Variants in GDPD4 observed in about 807,000 individuals in gnomAD.
GDPD4 encodes glycerophosphodiester phosphodiesterase domain containing 4.
Under a neutral mutation model 67.8 loss-of-function variants are expected in GDPD4, and 60 were observed. That is an observed-to-expected ratio of 0.88 (90% CI 0.72 to 1.10). GDPD4 has a LOEUF of 1.10. GDPD4 is among the 50% of genes least tolerant of loss of function. The pLI is 0.00. For synonymous variants in GDPD4, 212 were observed against 210.9 expected, an observed-to-expected ratio of 1.00 and a Z score of -0.04; for missense variants, 623 against 613.9, an observed-to-expected ratio of 1.01 and a Z score of -0.16.
At chr11:77,245,617 C>G in intron 11 of GDPD4, 115 bp from the exon 12 acceptor site, 1 of 651,224 alleles carries the variant, frequency 1.5e-6, no homozygotes, top group Non-Finnish European at 2.7e-6. Flanking sequence ...ATCAGGCCCT[C>G]TGAAGTACTA....
At chr11:77,269,249 A>C (rs1407935121) in intron 8 of GDPD4, among the ~76,000 whole-genome samples, 180 bp from the exon 9 acceptor site, 1 of 152,184 alleles carries the variant, frequency 6.6e-6, no homozygotes, top group African/African-American at 2.4e-5. Flanking sequence ...ATTTGGATAT[A>C]AAAGTATAGA....
intron 1 of GDPD4, among the ~76,000 whole-genome samples, chr11:77,293,174 T>C (rs1181388085): frequency 1.3e-5 from 2 of 152,104 alleles, no homozygotes; most frequent in Non-Finnish European, 2.9e-5. Flanking sequence ...GACAAAGATA[T>C]CCTGAAAAAA....
chr11:77,222,472 C>T (rs551754964), intron 16 of GDPD4, among the ~76,000 whole-genome samples: 8 of 152,302 alleles, frequency 5.3e-5, no homozygotes, highest in Non-Finnish European at 1.0e-4. Context: ...ATTTATTTCT[C>T]TTTCACTTAT....
intron 4 of GDPD4, among the ~76,000 whole-genome samples, chr11:77,278,046 T>C (rs1959574567): frequency 6.6e-6 from 1 of 152,122 alleles, no homozygotes; most frequent in Non-Finnish European, 1.5e-5. Context: ...TTGAGCGGTT[T>C]TGAGTGAGTT....
intron 3 of GDPD4, among the ~76,000 whole-genome samples, chr11:77,283,697 C>A (rs181226399): frequency 1.3e-3 from 201 of 151,998 alleles, no homozygotes; most frequent in African/African-American, 4.7e-3. Context: ...GTTAAATAAA[C>A]TTGTTCTGAA....
chr11:77,228,575 G>A (rs1411537998), intron 15 of GDPD4, among the ~76,000 whole-genome samples: 2 of 151,280 alleles, frequency 1.3e-5, no homozygotes, highest in African/African-American at 2.4e-5. Context: ...CTACTCGGGA[G>A]GCTGAGGCAG....
At chr11:77,274,054 G>C (rs975405368) in intron 5 of GDPD4, among the ~76,000 whole-genome samples, 1 of 152,204 alleles carries the variant, frequency 6.6e-6, no homozygotes, top group African/African-American at 2.4e-5. Flanking sequence ...CATAAGCATA[G>C]TTTTTATAAT....
chr11:77,218,551 C>T (rs1355175519), intron 16 of GDPD4, among the ~76,000 whole-genome samples: 2 of 152,108 alleles, frequency 1.3e-5, no homozygotes, highest in African/African-American at 2.4e-5. Context: ...ACCCCCACCC[C>T]ACGACAGGCT....
At chr11:77,227,713 A>G in intron 16 of GDPD4, 151 bp downstream of exon 16, 1 of 641,986 alleles carries the variant, frequency 1.6e-6, no homozygotes. Flanking sequence ...ATCTATGCCC[A>G]GCCTATACTT....
At chr11:77,229,311 G>A (rs1056116674) in intron 14 of GDPD4, 79 bp from the exon 15 acceptor site, 42 of 785,672 alleles carry the variant, frequency 5.3e-5, no homozygotes, top group Non-Finnish European at 8.2e-5. Flanking sequence ...CCCTTGCTCT[G>A]CTGCCAGGGC....
chr11:77,288,766 A>T (rs1218694519), intron 1 of GDPD4, among the ~76,000 whole-genome samples: 1 of 152,232 alleles, frequency 6.6e-6, no homozygotes, highest in Non-Finnish European at 1.5e-5. Context: ...AGGAAACATG[A>T]CAACTTCGAA....
intron 11 of GDPD4, among the ~76,000 whole-genome samples, chr11:77,256,860 G>A (rs1447775209): frequency 6.6e-6 from 1 of 152,176 alleles, no homozygotes; most frequent in Admixed American, 6.5e-5. Context: ...TATCATGCTT[G>A]TAGAGCATGT....
At chr11:77,230,788 C>T (rs776230708) in intron 14 of GDPD4, among the ~76,000 whole-genome samples, 24 of 152,194 alleles carry the variant, frequency 1.6e-4, no homozygotes, top group Admixed American at 7.2e-4. Context: ...AGCTGTGCCT[C>T]CCTATCAAGA....
At chr11:77,223,337 G>C (rs1022235815) in intron 16 of GDPD4, among the ~76,000 whole-genome samples, 2 of 152,090 alleles carry the variant, frequency 1.3e-5, no homozygotes, top group Non-Finnish European at 2.9e-5. Flanking sequence ...ATCTACCCTT[G>C]GTCTTTGATG....
intron 16 of GDPD4, among the ~76,000 whole-genome samples, chr11:77,218,001 T>C (rs1958155972): frequency 1.3e-5 from 2 of 151,620 alleles, no homozygotes; most frequent in African/African-American, 4.9e-5. Flanking sequence ...TTAATTAATT[T>C]TTAAAAGTTT....
At chr11:77,281,377 A>C (rs969143726) in intron 3 of GDPD4, among the ~76,000 whole-genome samples, 1 of 152,108 alleles carries the variant, frequency 6.6e-6, no homozygotes, top group Non-Finnish European at 1.5e-5. Context: ...GGCCCTAGGA[A>C]CCCTCGCACA....
At chr11:77,243,583 C>T in intron 13 of GDPD4, 111 bp downstream of exon 13, 1 of 931,252 alleles carries the variant, frequency 1.1e-6, no homozygotes, top group Admixed American at 2.0e-5. Flanking sequence ...AAGGAGATAA[C>T]CACACACAGA....
At chr11:77,294,505 G>T (rs1046330054) in intron 1 of GDPD4, among the ~76,000 whole-genome samples, 9 of 152,080 alleles carry the variant, frequency 5.9e-5, no homozygotes, top group African/African-American at 2.2e-4. Context: ...ACAATACTGA[G>T]TCTTCTAATC....
intron 16 of GDPD4, among the ~76,000 whole-genome samples, chr11:77,220,777 A>ATAGTACC (rs1477315077): frequency 1.3e-5 from 2 of 152,216 alleles, no homozygotes; most frequent in African/African-American, 4.8e-5. Flanking sequence ...TTCAGAAGAA[A>ATAGTACC]TAGTACCAGC....
Sources: allele counts gnomAD v4.1 joint callset (sites outside exome capture counted in the v4.1 genomes callset), GRCh38; gene constraint gnomAD v4.1.1; transcripts MANE v1.5; gene names NCBI Gene and HGNC (gene_info 2026-07-23, HGNC 2026-07-21).